IGSF10: variants seen among roughly 807,000 people sequenced by gnomAD.
IGSF10 encodes the protein immunoglobulin superfamily member 10, also known as calvaria mechanical force protein 608.
IGSF10 carries 126 observed loss-of-function variants against 128.2 expected under a neutral mutation model. That is an observed-to-expected ratio of 0.98 (90% CI 0.85 to 1.14). The LOEUF (loss-of-function observed/expected upper bound fraction) is 1.14, where lower values mean the gene tolerates loss of function less well. Among genes scored for constraint, IGSF10 ranks in the 50% most tolerant of loss-of-function variants. The probability of loss-of-function intolerance (pLI) is 0.00; values close to 1 mark genes in which losing one functional copy is unlikely to be tolerated. For missense variants in IGSF10, 3,295 were observed against 3,149.8 expected (o/e 1.05, Z -1.10); for synonymous variants, 1,185 against 1,146.2 (o/e 1.03, Z -0.68).
At chr3:151,453,321 TATA>T (rs1380629956) in intron 5 of IGSF10, 60 bp downstream of exon 5, 4 of 1,344,800 alleles carry the variant, frequency 3.0e-6, no homozygotes, top group African/African-American at 2.9e-5. Flanking sequence ...CACTTCCTAA[TATA>T]ATACCTCCAA....
chr3:151,441,286 G>T (rs1560173203), intron 7 of IGSF10, among the ~76,000 whole-genome samples: 1 of 152,144 alleles, frequency 6.6e-6, no homozygotes. Flanking sequence ...GAAAATAGAA[G>T]GTTTCCCAGA....
chr3:151,583,089 C>T, the IGSF10 span, among the ~76,000 whole-genome samples: 3,667 of 152,052 alleles, frequency 0.024, 141 homozygotes, highest in African/African-American at 0.084. Flanking sequence ...TGTTGGCTTC[C>T]TCAGCTAATA....
chr3:151,596,794 G>T, the IGSF10 span, among the ~76,000 whole-genome samples: 1 of 152,138 alleles, frequency 6.6e-6, no homozygotes, highest in Non-Finnish European at 1.5e-5. Context: ...AAACTAAATG[G>T]ATGTTATTAG....
At chr3:151,618,732 AAAAAAAT>A in the IGSF10 span, among the ~76,000 whole-genome samples, 7 of 151,488 alleles carry the variant, frequency 4.6e-5, no homozygotes, top group East Asian at 1.2e-3. Context: ...TCCATCTCAA[AAAAAAAT>A]AAAAAATAAA....
the IGSF10 span, among the ~76,000 whole-genome samples, chr3:151,513,613 C>T: frequency 6.6e-6 from 1 of 152,162 alleles, no homozygotes; most frequent in Non-Finnish European, 1.5e-5. Flanking sequence ...GTTGGAAGTT[C>T]TGGCCAGGGA....
At chr3:151,585,635 C>G in the IGSF10 span, among the ~76,000 whole-genome samples, 9 of 152,106 alleles carry the variant, frequency 5.9e-5, no homozygotes, top group African/African-American at 2.2e-4. Flanking sequence ...GTAAGACTAC[C>G]TTTAGTATTT....
the IGSF10 span, among the ~76,000 whole-genome samples, chr3:151,529,467 C>T: frequency 6.6e-6 from 1 of 152,144 alleles, no homozygotes; most frequent in Non-Finnish European, 1.5e-5. Context: ...CTCTGGCTAG[C>T]ATCAGGCAGG....
intron 5 of IGSF10, 62 bp downstream of exon 5, chr3:151,453,317 CTAATA>C: frequency 7.6e-7 from 1 of 1,309,720 alleles, no homozygotes; most frequent in Non-Finnish European, 1.0e-6. Flanking sequence ...TCTCCACTTC[CTAATA>C]TAATACCTCC....
At chr3:151,464,396 A>G (rs73010436), upstream of IGSF10, among the ~76,000 whole-genome samples, 3,452 of 152,092 alleles carry the variant, frequency 0.023, 79 homozygotes, top group African/African-American at 0.06. Context: ...ATTTCCCCTC[A>G]TCTCTAGGTC....
the IGSF10 span, among the ~76,000 whole-genome samples, chr3:151,496,556 G>GTGTGTATGTGCCACA: frequency 5.7e-5 from 2 of 34,910 alleles, 1 homozygote; most frequent in Non-Finnish European, 1.0e-4. Context: ...GTATTCCATG[G>GTGTGTATGTGCCACA]TTTCCTTAAT....
At chr3:151,542,738 A>C in the IGSF10 span, among the ~76,000 whole-genome samples, 3 of 152,358 alleles carry the variant, frequency 2.0e-5, no homozygotes, top group Middle Eastern at 3.4e-3. Flanking sequence ...AAAACTAACT[A>C]TACTGTAATC....
chr3:151,488,817 A>G, the IGSF10 span, among the ~76,000 whole-genome samples: 4 of 152,348 alleles, frequency 2.6e-5, no homozygotes, highest in African/African-American at 7.2e-5. Context: ...TTATACAAAA[A>G]GTAACTCAAG....
chr3:151,581,088 G>A, the IGSF10 span, among the ~76,000 whole-genome samples: 1 of 152,104 alleles, frequency 6.6e-6, no homozygotes, highest in Non-Finnish European at 1.5e-5. Context: ...AAAAAAGCAA[G>A]CAGTTTATAT....
the IGSF10 span, among the ~76,000 whole-genome samples, chr3:151,504,744 G>C: frequency 5.9e-5 from 9 of 152,290 alleles, no homozygotes; most frequent in African/African-American, 2.2e-4. Flanking sequence ...GTCTACTCTT[G>C]TGGCAACCAC....
At chr3:151,505,644 T>G in the IGSF10 span, among the ~76,000 whole-genome samples, 1 of 152,066 alleles carries the variant, frequency 6.6e-6, no homozygotes, top group Admixed American at 6.5e-5. Flanking sequence ...TCTAAAGATA[T>G]GTTACAGTGG....
chr3:151,589,765 A>G, the IGSF10 span, among the ~76,000 whole-genome samples: 5 of 152,302 alleles, frequency 3.3e-5, no homozygotes, highest in East Asian at 5.8e-4. Flanking sequence ...ATGACTCTGC[A>G]GGGTGATTTA....
the IGSF10 span, among the ~76,000 whole-genome samples, chr3:151,568,309 C>T: frequency 1.3e-5 from 2 of 152,178 alleles, no homozygotes; most frequent in East Asian, 3.8e-4. Context: ...CTTGAAAACA[C>T]ATGGACACGT....
intron 7 of IGSF10, among the ~76,000 whole-genome samples, chr3:151,439,867 A>C (rs957541302): frequency 6.6e-6 from 1 of 152,232 alleles, no homozygotes; most frequent in African/African-American, 2.4e-5. Context: ...ACTGGTGCTA[A>C]AAGTGCTATC....
the IGSF10 span, among the ~76,000 whole-genome samples, chr3:151,548,706 G>T: frequency 6.6e-6 from 1 of 151,978 alleles, no homozygotes; most frequent in East Asian, 1.9e-4. Context: ...TTATCAAATT[G>T]TTTTGGCAGT....
Sources: allele counts gnomAD v4.1 joint callset (sites outside exome capture counted in the v4.1 genomes callset), GRCh38; gene constraint gnomAD v4.1.1; transcripts MANE v1.5; gene names NCBI Gene and HGNC (gene_info 2026-07-23, HGNC 2026-07-21).